The following FOXK1 variants were observed in gnomAD, a reference collection of about 807,000 sequenced individuals.
The protein encoded by FOXK1 is forkhead box protein K1.
Under a neutral mutation model 51.9 loss-of-function variants are expected in FOXK1, and 19 were observed. The observed-to-expected ratio is 0.37, with a 90% CI of 0.26 to 0.54. The LOEUF (loss-of-function observed/expected upper bound fraction) is 0.54. Among genes scored for constraint, FOXK1 ranks in the 20% least tolerant of loss-of-function variants. The pLI is 0.87. For missense variants in FOXK1, 870 were observed against 1,032.7 expected (o/e 0.84, Z 2.16); for synonymous variants, 537 against 482.6 (o/e 1.11, Z -1.48).
At chr7:4,760,882 T>C (rs1394887906) in intron 7 of FOXK1, among the ~76,000 whole-genome samples, 182 bp from the exon 8 acceptor site, 1 of 152,190 alleles carries the variant, frequency 6.6e-6, no homozygotes, top group Non-Finnish European at 1.5e-5. Context: ...TAAAATATTG[T>C]TCTAAAACCC....
At chr7:4,721,589 C>CTTTTTTTT (rs200132324) in intron 1 of FOXK1, among the ~76,000 whole-genome samples, 65 of 112,596 alleles carry the variant, frequency 5.8e-4, no homozygotes, top group Non-Finnish European at 8.7e-4. Flanking sequence ...TCTTTTTTTT[C>CTTTTTTTT]TTTTTTTTTT....
intron 2 of FOXK1, among the ~76,000 whole-genome samples, chr7:4,742,486 A>G (rs1450581812): frequency 6.6e-6 from 1 of 152,164 alleles, no homozygotes; most frequent in Non-Finnish European, 1.5e-5. Context: ...GCGCAATCAT[A>G]GCTCGCTGCA....
In FOXK1 at chr7:4,755,819, A is replaced by C. The variant is rs182558895; in HGVS notation, c.1050+436A>C. 5.0e-4 allele frequency among the ~76,000 whole-genome samples: 76 copies of C among 152,342 alleles called. No individual in the cohort carries two copies. Among genetic ancestry groups the C allele is most frequent in the Non-Finnish European group, 9.1e-4 (62 of 68,036 alleles). On this transcript the variant is annotated intron_variant, in intron 4 of 8. Coordinates refer to ENST00000328914, the MANE Select transcript of FOXK1 (RefSeq NM_001037165.2). The surrounding 1 kb of genome is among the most constrained non-coding windows in gnomAD (Gnocchi z 6.6). ...ATGGCATATGGTACATCTGAAAGGC[A>C]TTAGCGCTGTGATACCATTGTGTCT... is the stretch of plus-strand genomic sequence containing the variant.
chr7:4,746,548 T>G (rs1480968841), intron 2 of FOXK1, among the ~76,000 whole-genome samples: 1 of 151,714 alleles, frequency 6.6e-6, no homozygotes, highest in Non-Finnish European at 1.5e-5. Flanking sequence ...ATTAGCCAGG[T>G]GCAGTGGCTC....
rs1454859617 is a variant in FOXK1 at position 4,735,409 on chromosome 7, G to GTT, written c.561-5426_561-5425dup. Among the ~76,000 whole-genome samples the GTT allele has an allele frequency of 6.6e-6, 1 of 152,196 alleles. No homozygotes were observed. The highest frequency in any genetic ancestry group is 1.5e-5 in the Non-Finnish European group (1 of 68,040). On this transcript the variant is annotated intron_variant, in intron 1 of 8. Coordinates refer to ENST00000328914, the MANE Select transcript of FOXK1 (RefSeq NM_001037165.2). The surrounding 1 kb of genome is among the most constrained non-coding windows in gnomAD (Gnocchi z 4.7). ...ACCCTTTCCATTGTTCCAGTCCGTGGTTTTCAGCGCATTCGCAGAGTTGCG... is the reference window on the plus strand; with the variant it reads ...ACCCTTTCCATTGTTCCAGTCCGTGGTTTTTTCAGCGCATTCGCAGAGTTGCG...
rs906912789 is a variant in FOXK1, at chr7:4,747,067, T to C, written c.746+6044T>C. ...AACTTTGGCGCTAAAGTGTTGGGAG[T>C]TCGGAATGAAGCTTGGTAGGGAAGT... On this transcript the variant is annotated intron_variant, in intron 2 of 8. Transcript: ENST00000328914. The surrounding 1 kb of genome is among the most constrained non-coding windows in gnomAD (Gnocchi z 9.2). 5.3e-5 allele frequency among the ~76,000 whole-genome samples: 8 copies of C among 152,282 alleles called. No individual in the cohort carries two copies. Among genetic ancestry groups the C allele is most frequent in the Middle Eastern group, 6.8e-3 (2 of 294 alleles).
At chr7:4,757,228 G>A in intron 5 of FOXK1, 41 bp downstream of exon 5, 2 of 1,536,328 alleles carry the variant, frequency 1.3e-6, no homozygotes, top group Non-Finnish European at 1.8e-6. Context: ...TGTTAGGAAA[G>A]CTGAGCTGCC....
chr7:4,725,623 G>T (rs992697303), intron 1 of FOXK1, among the ~76,000 whole-genome samples: 2 of 152,282 alleles, frequency 1.3e-5, no homozygotes, highest in African/African-American at 4.8e-5. Flanking sequence ...CTCCGGGCGT[G>T]TGGCTGTGTT....
intron 1 of FOXK1, among the ~76,000 whole-genome samples, chr7:4,698,005 A>G (rs1263366708): frequency 1.3e-5 from 2 of 151,846 alleles, no homozygotes; most frequent in Non-Finnish European, 1.5e-5. Flanking sequence ...TTGTATTTTT[A>G]GTAGAGATGG....
At chr7:4,757,220 T>C in intron 5 of FOXK1, 33 bp downstream of exon 5, 3 of 1,550,228 alleles carry the variant, frequency 1.9e-6, no homozygotes, top group Non-Finnish European at 2.6e-6. Flanking sequence ...CCTCCAGCTG[T>C]TAGGAAAGCT....
In FOXK1 at chr7:4,748,427, G is replaced by A. The variant is rs983381971; in HGVS notation, c.747-6032G>A. Among the ~76,000 whole-genome samples the A allele has an allele frequency of 5.9e-5, 9 of 152,118 alleles. No homozygotes were observed. Among genetic ancestry groups the A allele is most frequent in the Non-Finnish European group, 1.0e-4 (7 of 68,026 alleles). On this transcript the variant is annotated intron_variant, in intron 2 of 8. Transcript: ENST00000328914. The surrounding 1 kb of genome is among the most constrained non-coding windows in gnomAD (Gnocchi z 4.9). ...ATTAGAACTGTGTAGTGATTGTAGC[G>A]CTTAGCCATTTCCTTCCTTGTACTT...
At chr7:4,697,772 TG>T (rs1779972230) in intron 1 of FOXK1, among the ~76,000 whole-genome samples, 1 of 151,686 alleles carries the variant, frequency 6.6e-6, no homozygotes, top group Admixed American at 6.6e-5. Context: ...TGTGTGTGTG[TG>T]TGTGTGTGTG....
intron 1 of FOXK1, among the ~76,000 whole-genome samples, chr7:4,693,759 G>A (rs1779920800): frequency 6.6e-6 from 1 of 152,160 alleles, no homozygotes; most frequent in South Asian, 2.1e-4. Context: ...TTTTGAGGCG[G>A]TCTTGTTCTG....
chr7:4,757,317 C>A, intron 5 of FOXK1, 130 bp downstream of exon 5: 1 of 793,024 alleles, frequency 1.3e-6, no homozygotes, highest in South Asian at 1.8e-5. Flanking sequence ...TGCAACTGAT[C>A]ACAGGTCAAA....
chr7:4,707,276 G>A lies in FOXK1; in HGVS notation c.560+24408G>A, dbSNP rs1186067857. ...TTCTGGTGGAGGGGACGCTGGTAAA[G>A]AGCAGGTCTGGCTCAGTGCTTATTT... On this transcript the variant is annotated intron_variant, in intron 1 of 8. Coordinates refer to ENST00000328914, the MANE Select transcript of FOXK1 (RefSeq NM_001037165.2). The surrounding 1 kb of genome is among the most constrained non-coding windows in gnomAD (Gnocchi z 4.1). 6.6e-6 allele frequency among the ~76,000 whole-genome samples: 1 copy of A among 152,194 alleles called. No homozygotes were observed. Among genetic ancestry groups the A allele is most frequent in the African/African-American group, 2.4e-5 (1 of 41,436 alleles).
In FOXK1 at chr7:4,754,796, A is replaced by C. The variant is rs554512023; in HGVS notation, c.903+181A>C. 5.2e-6 allele frequency: 4 copies of C among 770,656 alleles called. No homozygotes were observed. The South Asian group carries it at 5.5e-5, about 11-fold the overall frequency. 47.7% of individuals were successfully genotyped at this position (770,656 alleles called of 1,614,324 possible). ...CGGCCCTTTCTCGTTTTCGTGCCCA[A>C]ATCATCCCCGTTGGTCATTTGCTGG... On this transcript the variant is annotated intron_variant, in intron 3 of 8. Coordinates refer to ENST00000328914, the MANE Select transcript of FOXK1 (RefSeq NM_001037165.2).
chr7:4,756,011 G>A lies in FOXK1; in HGVS notation c.1050+628G>A, dbSNP rs1780846659. 6.6e-6 allele frequency among the ~76,000 whole-genome samples: 1 copy of A among 152,184 alleles called. No homozygotes were observed. On this transcript the variant is annotated intron_variant, in intron 4 of 8. Transcript: ENST00000328914. This position sits in a 1 kb window ranked among gnomAD's most constrained non-coding sequence, Gnocchi z 4.1. ...AATCCACATGTCTGAATTGTGGATG[G>A]CATTTTAAGAGCTTTGTCCACACCA...
rs112245661 is a variant in FOXK1, at chr7:4,707,689, CTT to C, written c.560+24833_560+24834del. ...CGTGTGCGACCAGTACTCCATTTCA[CTT>C]TTTTTTTTTTTGAGACGGACTCTCT... On this transcript the variant is annotated intron_variant, in intron 1 of 8. Transcript: ENST00000328914. This position sits in a 1 kb window ranked among gnomAD's most constrained non-coding sequence, Gnocchi z 4.1. Among the ~76,000 whole-genome samples, 1 of 144,404 alleles carries C rather than the reference CTT, an allele frequency of 6.9e-6. No homozygotes were observed. The allele number at this position is 144,404 out of a possible 152,430, so 94.7% of individuals were successfully genotyped here.
At position 4,741,026 on chromosome 7, in the gene FOXK1, G is replaced by A; in HGVS notation, c.746+3G>A. ...CCCTCCCCGACGGGCACCATCAGGTGAGTAGCCCCCCAGCCTGCCCTTGGG... is the reference window on the plus strand; with the variant it reads ...CCCTCCCCGACGGGCACCATCAGGTAAGTAGCCCCCCAGCCTGCCCTTGGG... On this transcript the variant is annotated splice_donor_region_variant and intron_variant, in intron 2 of 8. Coordinates refer to ENST00000328914, the MANE Select transcript of FOXK1 (RefSeq NM_001037165.2). 4 of 1,509,144 alleles carry A rather than the reference G, an allele frequency of 2.7e-6. No homozygotes were observed. The highest frequency in any genetic ancestry group is 3.5e-6 in the Non-Finnish European group (4 of 1,135,826). The allele number at this position is 1,509,144 out of a possible 1,614,324, so 93.5% of individuals were successfully genotyped here.
Sources: gnomAD v4.1 joint callset for allele counts (sites outside exome capture counted in the v4.1 genomes callset) on GRCh38, gnomAD v4.1.1 for gene constraint, Gnocchi (gnomAD v3.1) non-coding constraint, MANE v1.5 for transcripts, NCBI Gene and HGNC (gene_info 2026-07-23, HGNC 2026-07-21) for gene names.